CLVS1: variants seen among roughly 807,000 people sequenced by gnomAD.
CLVS1 encodes clavesin 1.
CLVS1 carries 10 observed loss-of-function variants against 33.1 expected under a neutral mutation model. The observed-to-expected ratio is 0.30, with a 90% CI of 0.19 to 0.51. CLVS1 has a LOEUF of 0.51. CLVS1 is among the 20% of genes least tolerant of loss of function. The pLI, the probability that CLVS1 is intolerant of heterozygous loss-of-function variation, is 0.97. For synonymous variants in CLVS1, 163 were observed against 166.1 expected, an observed-to-expected ratio of 0.98 and a Z score of 0.14; for missense variants, 343 against 433.4, an observed-to-expected ratio of 0.79 and a Z score of 1.85.
chr8:61,398,965 G>A (rs1814644033), intron 3 of CLVS1, among the ~76,000 whole-genome samples: 1 of 152,166 alleles, frequency 6.6e-6, no homozygotes, highest in African/African-American at 2.4e-5. Flanking sequence ...TGGGCATTTA[G>A]GTTGATTCCG....
At chr8:61,417,614 A>T (rs1815491484) in intron 3 of CLVS1, among the ~76,000 whole-genome samples, 1 of 152,204 alleles carries the variant, frequency 6.6e-6, no homozygotes, top group East Asian at 1.9e-4. Flanking sequence ...ATATAAATTA[A>T]TTTTTACTGG....
Position 61,232,023 on chromosome 8 carries a change from G to GTTTGTTTGTTTGTTTGTTTTTTTTTTTT in CLVS1, c.-151-67651_-151-67650insGTTTGTTTGTTTGTTTTTTTTTTTTTTT. ...AGAAGGAGCCCTGAGGAAAGTTGTG[G>GTTTGTTTGTTTGTTTGTTTTTTTTTTTT]TTTTTTTTTTTTTTTTTTTTTTTTT... On this transcript the variant is annotated intron_variant, in intron 2 of 2. Transcript: ENST00000522621. 7.3e-4 allele frequency among the ~76,000 whole-genome samples: 46 copies of GTTTGTTTGTTTGTTTGTTTTTTTTTTTT among 62,652 alleles called. 9 individuals are homozygous for GTTTGTTTGTTTGTTTGTTTTTTTTTTTT. The highest frequency in any genetic ancestry group is 1.8e-3 in the African/African-American group (38 of 21,120). 41.1% of individuals were successfully genotyped at this position (62,652 alleles called of 152,430 possible). A position where few individuals can be genotyped will look rare whatever the true frequency, so the allele number is the denominator to read the frequency against.
chr8:61,193,879 G>A (rs1454509954), intron 2 of CLVS1, among the ~76,000 whole-genome samples: 1 of 152,062 alleles, frequency 6.6e-6, no homozygotes, highest in Non-Finnish European at 1.5e-5. Context: ...TAGTATTAAT[G>A]TCTTGAGGGA....
chr8:61,180,526 G>C (rs895264198), intron 2 of CLVS1, among the ~76,000 whole-genome samples: 3 of 152,030 alleles, frequency 2.0e-5, no homozygotes, highest in African/African-American at 7.2e-5. Flanking sequence ...ACCTGACAAA[G>C]AGACAACAAA....
At chr8:60,999,332 C>A in the CLVS1 span, among the ~76,000 whole-genome samples, 4 of 152,068 alleles carry the variant, frequency 2.6e-5, no homozygotes, top group Non-Finnish European at 4.4e-5. Flanking sequence ...AGAGGTGTGA[C>A]AGGCCAGAAA....
chr8:61,120,304 T>C (rs2129289564), intron 1 of CLVS1, among the ~76,000 whole-genome samples: 1 of 129,116 alleles, frequency 7.7e-6, no homozygotes, highest in Non-Finnish European at 1.6e-5. Flanking sequence ...TCAACTTCTT[T>C]GCCTTTGGTT....
the CLVS1 span, among the ~76,000 whole-genome samples, chr8:61,029,547 G>A: frequency 6.6e-6 from 1 of 152,020 alleles, no homozygotes; most frequent in Non-Finnish European, 1.5e-5. Context: ...CTGCTAACAG[G>A]GAGCCCAGGC....
intron 3 of CLVS1, among the ~76,000 whole-genome samples, chr8:61,390,803 A>G (rs1035728192): frequency 7.9e-5 from 12 of 152,214 alleles, no homozygotes; most frequent in South Asian, 2.1e-4. Flanking sequence ...TTAACATTTT[A>G]TCTCATCACA....
chr8:61,383,341 C>T (rs759421184), intron 3 of CLVS1, among the ~76,000 whole-genome samples: 1 of 152,218 alleles, frequency 6.6e-6, no homozygotes, highest in Admixed American at 6.5e-5. Context: ...GGCTGAAATG[C>T]ACCTCTTTCA....
chr8:61,493,315 T>G (rs1022749724), intron 5 of CLVS1, among the ~76,000 whole-genome samples: 6 of 152,234 alleles, frequency 3.9e-5, no homozygotes, highest in Non-Finnish European at 7.3e-5. Context: ...TCATGCTTTG[T>G]GGCTAAATTT....
chr8:61,207,036 G>A (rs1039153727), intron 2 of CLVS1, among the ~76,000 whole-genome samples: 2 of 152,204 alleles, frequency 1.3e-5, no homozygotes, highest in Non-Finnish European at 1.5e-5. Context: ...GACATTTGAT[G>A]AATGAATGAA....
chr8:61,086,644 A>G (rs922873054), intron 1 of CLVS1, among the ~76,000 whole-genome samples: 6 of 152,198 alleles, frequency 3.9e-5, no homozygotes, highest in Non-Finnish European at 8.8e-5. Context: ...CATTACCCAA[A>G]TATAACATTT....
the CLVS1 span, among the ~76,000 whole-genome samples, chr8:61,042,246 A>C: frequency 2.6e-5 from 4 of 152,240 alleles, no homozygotes; most frequent in Admixed American, 6.5e-5. Flanking sequence ...CATTTAGAAT[A>C]CATGGTAATT....
chr8:61,476,181 G>A (rs1817920513), intron 5 of CLVS1, among the ~76,000 whole-genome samples: 1 of 152,232 alleles, frequency 6.6e-6, no homozygotes, highest in African/African-American at 2.4e-5. Context: ...CCAGGACCAT[G>A]CTGATTTGGT....
chr8:61,213,876 T>C (rs1330059438), intron 2 of CLVS1, among the ~76,000 whole-genome samples: 6 of 152,304 alleles, frequency 3.9e-5, no homozygotes, highest in South Asian at 4.1e-4. Flanking sequence ...ATTTCTCTTC[T>C]TTCAAAAGCA....
At chr8:61,297,674 G>A (rs1283644946) in intron 1 of CLVS1, among the ~76,000 whole-genome samples, 1 of 152,238 alleles carries the variant, frequency 6.6e-6, no homozygotes, top group Admixed American at 6.5e-5. Context: ...AAGGAGCTAC[G>A]GACTGATGTT....
intron 5 of CLVS1, among the ~76,000 whole-genome samples, chr8:61,480,612 C>T (rs1428757001): frequency 6.6e-6 from 1 of 152,096 alleles, no homozygotes; most frequent in African/African-American, 2.4e-5. Context: ...TCCGGCACTC[C>T]CCAGTGAGAT....
At chr8:61,428,555 G>A (rs1815982135) in intron 3 of CLVS1, among the ~76,000 whole-genome samples, 1 of 152,204 alleles carries the variant, frequency 6.6e-6, no homozygotes, top group African/African-American at 2.4e-5. Context: ...TCTTAAGAAA[G>A]TGCTTCATGG....
the CLVS1 span, among the ~76,000 whole-genome samples, chr8:61,019,398 A>C: frequency 6.6e-6 from 1 of 152,178 alleles, no homozygotes; most frequent in Non-Finnish European, 1.5e-5. Flanking sequence ...ACTTGTGAGA[A>C]TCTCACACTC....
Sources: gnomAD v4.1 joint callset for allele counts (sites outside exome capture counted in the v4.1 genomes callset) on GRCh38, gnomAD v4.1.1 for gene constraint, MANE v1.5 for transcripts, NCBI Gene and HGNC (gene_info 2026-07-23, HGNC 2026-07-21) for gene names.